DTD1: variants seen among roughly 807,000 people sequenced by gnomAD.
The protein encoded by DTD1 is D-tyrosyl-tRNA deacylase 1 homolog.
A neutral mutation model predicts 25.6 loss-of-function variants in DTD1; 13 were observed. The ratio of observed to expected loss-of-function variants is 0.51; its 90% CI spans 0.33 to 0.81. The LOEUF (loss-of-function observed/expected upper bound fraction) is 0.81. Ranked by LOEUF, DTD1 falls within the 30% of genes least tolerant of loss-of-function variation. DTD1 has a pLI of 0.02. For synonymous variants in DTD1, 110 were observed against 103.6 expected (o/e 1.06, Z -0.37); for missense variants, 193 against 266.4 (o/e 0.72, Z 1.92).
At chr20:18,655,512 G>A (rs1340916423) in intron 4 of DTD1, among the ~76,000 whole-genome samples, 1 of 152,158 alleles carries the variant, frequency 6.6e-6, no homozygotes, top group Non-Finnish European at 1.5e-5. Context: ...TAAGTAGAGG[G>A]GGTAGTATAA....
chr20:18,588,086 T>A lies in DTD1; in HGVS notation c.14T>A (p.Val5Glu). The A allele has an allele frequency of 7.4e-7, 1 of 1,350,294 alleles. No homozygotes were observed. The highest frequency in any genetic ancestry group is 9.5e-7 in the Non-Finnish European group (1 of 1,056,236). 83.6% of individuals were successfully genotyped at this position (1,350,294 alleles called of 1,614,324 possible). MKAV[V>E]QRVTRASVTV... ...CCAGCCGCCGCCATGAAGGCCGTGGTGCAGCGCGTCACCCGGGCCAGCGTC... is the reference window on the plus strand; with the variant it reads ...CCAGCCGCCGCCATGAAGGCCGTGGAGCAGCGCGTCACCCGGGCCAGCGTC... Residue 5 changes from valine to glutamate, a missense_variant, in exon 1 of 6, where the codon GTG becomes GAG. Transcript: ENST00000377452.
At chr20:18,759,668 T>A (rs1023356083) in intron 5 of DTD1, among the ~76,000 whole-genome samples, 5 of 152,198 alleles carry the variant, frequency 3.3e-5, no homozygotes, top group Admixed American at 3.3e-4. Flanking sequence ...GCCCTTAACA[T>A]TTTTTCCTTC....
intron 3 of DTD1, among the ~76,000 whole-genome samples, chr20:18,618,672 T>TAC (rs751474809): frequency 0.049 from 6,432 of 130,486 alleles, 190 homozygotes; most frequent in East Asian, 0.095. Context: ...CATAATTTTA[T>TAC]ACACACACAC....
rs145704053 is a variant in DTD1 at position 18,595,659 on chromosome 20, A to G, written c.135-347A>G. 2.0e-3 allele frequency among the ~76,000 whole-genome samples: 301 copies of G among 152,294 alleles called. 1 individual carries two copies. Among genetic ancestry groups the G allele is most frequent in the African/African-American group, 6.4e-3 (268 of 41,556 alleles). ...ATGAATTCGTTCATGAAAAATTACA[A>G]TTGGACCCATGTTTTGACATATCCC... On this transcript the variant is annotated intron_variant, in intron 2 of 5. Coordinates refer to ENST00000377452, the MANE Select transcript of DTD1 (RefSeq NM_080820.6).
intron 2 of DTD1, 71 bp from the exon 3 acceptor site, chr20:18,595,935 T>G: frequency 1.5e-6 from 2 of 1,345,640 alleles, no homozygotes; most frequent in Non-Finnish European, 2.1e-6. Context: ...CTGGTGACAT[T>G]TTTGGGGTAT....
At chr20:18,659,084 G>A (rs555562249) in intron 4 of DTD1, among the ~76,000 whole-genome samples, 12 of 152,316 alleles carry the variant, frequency 7.9e-5, no homozygotes, top group Admixed American at 5.2e-4. Flanking sequence ...AAGAAAAAGC[G>A]TAAGCAGAGA....
At chr20:18,617,296 G>A (rs1239219507) in intron 3 of DTD1, among the ~76,000 whole-genome samples, 1 of 148,626 alleles carries the variant, frequency 6.7e-6, no homozygotes, top group Non-Finnish European at 1.5e-5. Context: ...ATTGATTCAG[G>A]GACTACGAAT....
chr20:18,713,625 G>A (rs537541573), intron 4 of DTD1, among the ~76,000 whole-genome samples: 5 of 152,262 alleles, frequency 3.3e-5, no homozygotes, highest in African/African-American at 4.8e-5. Context: ...CGTATCCTCC[G>A]TTCCTCCTTT....
chr20:18,747,779 C>CA (rs1362677166), intron 5 of DTD1, among the ~76,000 whole-genome samples: 1 of 151,306 alleles, frequency 6.6e-6, no homozygotes, highest in Non-Finnish European at 1.5e-5. Context: ...TTGGGAGGCC[C>CA]AGGCAGGCGG....
chr20:18,638,384 A>T (rs2060816505), intron 4 of DTD1, among the ~76,000 whole-genome samples: 2 of 152,160 alleles, frequency 1.3e-5, no homozygotes, highest in South Asian at 4.1e-4. Context: ...AACAAAAACA[A>T]GTATAATTTA....
At chr20:18,738,911 T>C (rs562125930) in intron 4 of DTD1, among the ~76,000 whole-genome samples, 3 of 152,318 alleles carry the variant, frequency 2.0e-5, no homozygotes, top group East Asian at 3.9e-4. Context: ...AGGTGACACA[T>C]ATGCACCCCA....
intron 4 of DTD1, among the ~76,000 whole-genome samples, chr20:18,720,792 A>C (rs553919361): frequency 5.3e-5 from 8 of 152,202 alleles, no homozygotes; most frequent in Non-Finnish European, 1.2e-4. Context: ...TGGGTGGTCA[A>C]AGCTGCAGTG....
At chr20:18,668,913 C>T (rs1029141648) in intron 4 of DTD1, among the ~76,000 whole-genome samples, 2 of 152,180 alleles carry the variant, frequency 1.3e-5, no homozygotes, top group African/African-American at 2.4e-5. Context: ...GGCCACCTTG[C>T]TTTCAGAAAT....
chr20:18,674,772 G>T, intron 4 of DTD1: 1 of 152,590 alleles, frequency 6.6e-6, no homozygotes, highest in Non-Finnish European at 1.5e-5. Flanking sequence ...GACCACCCTG[G>T]GCAGAATAGT....
At chr20:18,674,348 A>G (rs1375628560) in intron 4 of DTD1, 2 of 152,360 alleles carry the variant, frequency 1.3e-5, no homozygotes, top group South Asian at 2.1e-4. Flanking sequence ...TAGCAGTTCC[A>G]TAGGGAGGCA....
intron 4 of DTD1, among the ~76,000 whole-genome samples, chr20:18,741,319 G>A (rs183099027): frequency 6.6e-6 from 1 of 152,264 alleles, no homozygotes; most frequent in East Asian, 1.9e-4. Context: ...AGAGCTCACA[G>A]TTGAGAAGAA....
At chr20:18,609,193 T>G (rs973403339) in intron 3 of DTD1, among the ~76,000 whole-genome samples, 20 of 151,798 alleles carry the variant, frequency 1.3e-4, no homozygotes, top group African/African-American at 4.4e-4. Context: ...CAGGCTGGAG[T>G]GCAGTGGTAC....
intron 3 of DTD1, among the ~76,000 whole-genome samples, chr20:18,627,063 G>A (rs557234158): frequency 9.8e-5 from 15 of 152,304 alleles, no homozygotes; most frequent in African/African-American, 2.6e-4. Flanking sequence ...AGGAGGTCAC[G>A]GAAAGTCATC....
At chr20:18,594,210 A>G (rs1203508755) in intron 2 of DTD1, among the ~76,000 whole-genome samples, 1 of 152,126 alleles carries the variant, frequency 6.6e-6, no homozygotes, top group South Asian at 2.1e-4. Flanking sequence ...AGGGATCTAG[A>G]ACTCAGAGAG....
Sources: gnomAD v4.1 joint callset for allele counts (sites outside exome capture counted in the v4.1 genomes callset) on GRCh38, gnomAD v4.1.1 for gene constraint, MANE v1.5 for transcripts, NCBI Gene and HGNC (gene_info 2026-07-23, HGNC 2026-07-21) for gene names.